Variants in CPE observed in about 807,000 individuals in gnomAD.
The protein encoded by CPE is carboxypeptidase E, also known as carbocypeptidase E.
CPE carries 17 observed loss-of-function variants against 53.5 expected under a neutral mutation model. The observed-to-expected ratio is 0.32, with a 90% CI of 0.22 to 0.48. CPE has a LOEUF of 0.48. Ranked by LOEUF, CPE falls within the 20% of genes least tolerant of loss-of-function variation. CPE has a pLI of 0.99. For missense variants in CPE, 524 were observed against 614.7 expected (o/e 0.85, Z 1.56); for synonymous variants, 226 against 228.8 (o/e 0.99, Z 0.11).
chr4:165,406,177 G>A (rs1285624247), intron 1 of CPE: 2 of 713,560 alleles, frequency 2.8e-6, no homozygotes, highest in African/African-American at 3.5e-5. Context: ...ATCTTTGAAT[G>A]GGGAGAGTTA....
chr4:165,395,756 C>T (rs1730753213), intron 1 of CPE, among the ~76,000 whole-genome samples: 1 of 152,156 alleles, frequency 6.6e-6, no homozygotes, highest in African/African-American at 2.4e-5. Flanking sequence ...AAATGTTTCT[C>T]AACCCTCAGA....
intron 1 of CPE, among the ~76,000 whole-genome samples, chr4:165,433,193 G>T (rs1166921292): frequency 6.6e-6 from 1 of 152,192 alleles, no homozygotes; most frequent in Non-Finnish European, 1.5e-5. Context: ...GGCAGAGACA[G>T]GGAGACAGAG....
rs919625504 is a variant in CPE at position 165,451,283 on chromosome 4, G to A, written c.308-13107G>A. 2.6e-5 allele frequency among the ~76,000 whole-genome samples: 4 copies of A among 152,056 alleles called. No homozygotes were observed. The East Asian group carries it at 5.8e-4, about 22-fold the overall frequency. Reference sequence around the variant, plus strand: ...TAGCTTTTTGAATGATCCCAGGGACGCCTGATATTCCTGTTGGAAGTTTCT... The same window carrying A: ...TAGCTTTTTGAATGATCCCAGGGACACCTGATATTCCTGTTGGAAGTTTCT... On this transcript the variant is annotated intron_variant, in intron 1 of 8. Coordinates refer to ENST00000402744, the MANE Select transcript of CPE (RefSeq NM_001873.4).
At chr4:165,393,105 T>G (rs941083286) in intron 1 of CPE, among the ~76,000 whole-genome samples, 1 of 152,084 alleles carries the variant, frequency 6.6e-6, no homozygotes, top group East Asian at 1.9e-4. Flanking sequence ...TTAAGTATAG[T>G]TCAATTAGTG....
intron 3 of CPE, among the ~76,000 whole-genome samples, chr4:165,474,829 C>T (rs1732267495): frequency 6.6e-6 from 1 of 152,212 alleles, no homozygotes; most frequent in African/African-American, 2.4e-5. Context: ...GACTCTCACT[C>T]AGAGCATTGT....
intron 3 of CPE, 84 bp from the exon 4 acceptor site, chr4:165,482,158 T>C: frequency 1.2e-6 from 1 of 823,452 alleles, no homozygotes; most frequent in Non-Finnish European, 1.8e-6. Context: ...AGTTTTTTCC[T>C]TTACCTTTCC....
chr4:165,382,673 C>T (rs977353980), intron 1 of CPE, among the ~76,000 whole-genome samples: 2 of 152,130 alleles, frequency 1.3e-5, no homozygotes, highest in Non-Finnish European at 2.9e-5. Context: ...GTAGAATAAG[C>T]AAGCTAGAGG....
At chr4:165,414,701 A>G (rs1731093035) in intron 1 of CPE, among the ~76,000 whole-genome samples, 1 of 75,828 alleles carries the variant, frequency 1.3e-5, no homozygotes, top group Admixed American at 1.2e-4. Context: ...ATATATACAC[A>G]CACACACACA....
At chr4:165,492,468 C>G (rs1049359794) in intron 6 of CPE, among the ~76,000 whole-genome samples, 5 of 152,146 alleles carry the variant, frequency 3.3e-5, no homozygotes, top group Non-Finnish European at 7.3e-5. Context: ...GCAGACAAAA[C>G]CCCTCAGACA....
chr4:165,391,603 T>C (rs1419912586), intron 1 of CPE, among the ~76,000 whole-genome samples: 1 of 152,126 alleles, frequency 6.6e-6, no homozygotes, highest in African/African-American at 2.4e-5. Flanking sequence ...CCAGGCCACA[T>C]TTGGAAATCA....
At chr4:165,465,305 T>TA (rs1216976661) in intron 2 of CPE, among the ~76,000 whole-genome samples, 2 of 152,082 alleles carry the variant, frequency 1.3e-5, no homozygotes, top group Admixed American at 6.6e-5. Context: ...TATCTACAGC[T>TA]AAAAAATCCA....
At chr4:165,436,397 A>G (rs1388068548) in intron 1 of CPE, among the ~76,000 whole-genome samples, 1 of 152,208 alleles carries the variant, frequency 6.6e-6, no homozygotes, top group Non-Finnish European at 1.5e-5. Flanking sequence ...ACCTAAATAT[A>G]TAGGCATGAC....
chr4:165,497,524 C>G lies in CPE; in HGVS notation c.1345C>G (p.Leu449Val), dbSNP rs1222755536. 1.3e-6 allele frequency: 2 copies of G among 1,561,028 alleles called. No homozygotes were observed. The highest frequency in any genetic ancestry group is 2.5e-5 in the South Asian group (2 of 80,396). Residue 449 changes from leucine to valine, a missense_variant, in exon 9 of 9, where the codon CTG (leucine) becomes GTG (valine). By Grantham distance (32) the Leu-to-Val change is conservative. Coordinates refer to ENST00000402744, the MANE Select transcript of CPE (RefSeq NM_001873.4). ...YSPAAGVDFE[L>V]ESFSERKEEE... The stretch of plus-strand genomic sequence containing the variant: ...TTTTCTCTTTTAGGTTGATTTTGAA[C>G]TGGAGTCATTTTCTGAAAGGAAAGA...
At chr4:165,381,096 G>T (rs572099490) in intron 1 of CPE, among the ~76,000 whole-genome samples, 3 of 152,096 alleles carry the variant, frequency 2.0e-5, no homozygotes, top group African/African-American at 7.2e-5. Flanking sequence ...AGTTTTTTGC[G>T]TTGTTACTTC....
At chr4:165,454,035 G>A (rs1731858718) in intron 1 of CPE, among the ~76,000 whole-genome samples, 1 of 151,934 alleles carries the variant, frequency 6.6e-6, no homozygotes, top group Non-Finnish European at 1.5e-5. Context: ...TTTACAATCA[G>A]CTCTGATTTG....
intron 1 of CPE, among the ~76,000 whole-genome samples, chr4:165,385,604 G>A (rs1730579013): frequency 1.3e-5 from 2 of 151,874 alleles, no homozygotes; most frequent in South Asian, 4.2e-4. Flanking sequence ...ACCACACCCT[G>A]CCTGTTTGCC....
intron 2 of CPE, among the ~76,000 whole-genome samples, chr4:165,467,466 C>T (rs145685832): frequency 1.3e-5 from 2 of 152,312 alleles, no homozygotes; most frequent in Non-Finnish European, 2.9e-5. Flanking sequence ...TATAGTCTGT[C>T]AGTCGTGGTA....
chr4:165,398,424 G>A (rs1213104683), intron 1 of CPE, among the ~76,000 whole-genome samples: 2 of 151,926 alleles, frequency 1.3e-5, no homozygotes, highest in Non-Finnish European at 2.9e-5. Context: ...ATACATATAG[G>A]TACATATATA....
At chr4:165,404,347 A>T in intron 1 of CPE, 1 of 771,504 alleles carries the variant, frequency 1.3e-6, no homozygotes, top group East Asian at 2.4e-5. Context: ...GGATGTCTTC[A>T]TCTGAGGAGA....
Sources: gnomAD v4.1 joint callset for allele counts (sites outside exome capture counted in the v4.1 genomes callset) on GRCh38, gnomAD v4.1.1 for gene constraint, MANE v1.5 for transcripts, NCBI Gene and HGNC (gene_info 2026-07-23, HGNC 2026-07-21) for gene names.